Variants in FAS observed in about 807,000 individuals in gnomAD.
The protein encoded by FAS is Fas cell surface death receptor.
A neutral mutation model predicts 33.2 loss-of-function variants in FAS; 5 were observed. That is an observed-to-expected ratio of 0.15 (90% CI 0.08 to 0.32). The LOEUF is 0.32. Among genes scored for constraint, FAS ranks in the 10% least tolerant of loss-of-function variants. The pLI is 1.00. For missense variants in FAS, 339 were observed against 386.0 expected (o/e 0.88, Z 1.02); for synonymous variants, 131 against 130.7 (o/e 1.00, Z -0.01).
chr10:89,003,245 T>C (rs748766469), intron 2 of FAS, 51 bp downstream of exon 2: 3 of 1,598,038 alleles, frequency 1.9e-6, no homozygotes, highest in Non-Finnish European at 2.6e-6. Context: ...CAGTTAGGAG[T>C]AGCACATAGT....
rs1180044903 is a variant in FAS, at chr10:89,016,911, A to G, written c.*2461A>G. On this transcript the variant is annotated 3_prime_UTR_variant, in exon 9 of 9. Coordinates refer to ENST00000652046, the MANE Select transcript of FAS (RefSeq NM_000043.6). ...ATATTGAATCATCAGTTTCTGTACA[A>G]CTATCTGAATAAGGTATATAATCAA... The G allele has an allele frequency of 1.0e-5, 2 of 193,122 alleles. No individual in the cohort carries two copies. Among genetic ancestry groups the G allele is most frequent in the Non-Finnish European group, 2.2e-5 (2 of 92,514 alleles). The allele number at this position is 193,122 out of a possible 1,614,324, so 12.0% of individuals were successfully genotyped here. A position where few individuals can be genotyped will look rare whatever the true frequency, so the allele number is the denominator to read the frequency against.
chr10:88,997,094 C>T lies in FAS; in HGVS notation c.31-5935C>T, dbSNP rs146988153. Among the ~76,000 whole-genome samples, 598 of 152,298 alleles carry T rather than the reference C, an allele frequency of 3.9e-3. 4 individuals are homozygous for T. Among genetic ancestry groups the T allele is most frequent in the Admixed American group, 7.6e-3 (116 of 15,304 alleles). ...ACACAGATGCCATTAGTCTATAAAACTCTTATATTCTCACATGTAAATGTA... is the reference window on the plus strand; with the variant it reads ...ACACAGATGCCATTAGTCTATAAAATTCTTATATTCTCACATGTAAATGTA... On this transcript the variant is annotated intron_variant, in intron 1 of 8. Coordinates refer to ENST00000652046, the MANE Select transcript of FAS (RefSeq NM_000043.6).
chr10:88,988,443 T>TTTTTTTTTTTTTTTTTTTTTTTA (rs1554846019), upstream of FAS, among the ~76,000 whole-genome samples: 2 of 142,370 alleles, frequency 1.4e-5, no homozygotes, highest in Non-Finnish European at 1.5e-5. Context: ...TTTTGTTTTT[T>TTTTTTTTTTTTTTTTTTTTTTTA]ATCTTAACTC....
chr10:89,003,219 A>G, intron 2 of FAS, 25 bp downstream of exon 2: 3 of 1,613,824 alleles, frequency 1.9e-6, no homozygotes, highest in Non-Finnish European at 2.5e-6. Context: ...ACATCCAGAG[A>G]TTACAGTGAA....
rs59583029 is a variant in FAS, at chr10:88,993,305, A to AT, written c.30+2411dup. On this transcript the variant is annotated intron_variant, in intron 1 of 8. Transcript: ENST00000652046. ...AATTTGAGAAATAGCTGTGGGTTGC[A>AT]TTTTTTTTTTTTATTGTGCATGACC... Among the ~76,000 whole-genome samples, 1,066 of 148,768 alleles carry AT rather than the reference A, an allele frequency of 7.2e-3. 7 individuals are homozygous for AT. Among genetic ancestry groups the AT allele is most frequent in the African/African-American group, 0.02 (811 of 40,780 alleles).
chr10:89,012,986 G>A (rs1347785118), intron 7 of FAS, among the ~76,000 whole-genome samples: 3 of 151,956 alleles, frequency 2.0e-5, no homozygotes, highest in Non-Finnish European at 2.9e-5. Flanking sequence ...CCATTTTCTG[G>A]TATTAAGAAT....
At chr10:88,977,232 C>G (rs925348457) in intron 2 of FAS, among the ~76,000 whole-genome samples, 4 of 151,562 alleles carry the variant, frequency 2.6e-5, no homozygotes, top group African/African-American at 9.7e-5. Context: ...ACATGAAGTC[C>G]TTGCCCATGC....
chr10:88,978,925 C>T (rs933784117), intron 2 of FAS, among the ~76,000 whole-genome samples: 1 of 151,388 alleles, frequency 6.6e-6, no homozygotes, highest in Non-Finnish European at 1.5e-5. Context: ...TTAATAGGAA[C>T]TAATATTCAT....
At chr10:88,979,296 C>T (rs866078866) in intron 2 of FAS, among the ~76,000 whole-genome samples, 1 of 152,026 alleles carries the variant, frequency 6.6e-6, no homozygotes, top group East Asian at 1.9e-4. Context: ...GCGAGTTTCC[C>T]GGCTCTGCCG....
At position 88,996,075 on chromosome 10, in the gene FAS, C is replaced by T. The variant is rs548617208; in HGVS notation, c.30+5169C>T. Among the ~76,000 whole-genome samples the T allele has an allele frequency of 5.4e-4, 82 of 152,238 alleles. 1 individual carries two copies. Among genetic ancestry groups the T allele is most frequent in the Non-Finnish European group, 9.7e-4 (66 of 67,996 alleles). On this transcript the variant is annotated intron_variant, in intron 1 of 8. Transcript: ENST00000652046. ...TCAGGCAGCATTGTGTTTCTATTCA[C>T]CTCTGTGTTTTGTGAGGCTATAAAA...
intron 2 of FAS, among the ~76,000 whole-genome samples, chr10:88,979,612 C>CTT (rs550424129): frequency 4.2e-5 from 6 of 143,282 alleles, no homozygotes; most frequent in Non-Finnish European, 6.3e-5. Context: ...TTAATGATGA[C>CTT]TTTTTTTTTT....
intron 6 of FAS, 109 bp downstream of exon 6, chr10:89,010,924 T>C (rs1848499645): frequency 7.8e-7 from 1 of 1,286,244 alleles, no homozygotes; most frequent in Non-Finnish European, 1.1e-6. Flanking sequence ...TAGATTTATG[T>C]ATTGTTAATT....
upstream of FAS, among the ~76,000 whole-genome samples, chr10:88,983,630 A>T (rs958333911): frequency 4.1e-5 from 6 of 147,598 alleles, no homozygotes; most frequent in African/African-American, 1.2e-4. Context: ...AAAAAAAAAA[A>T]AAAAAAAAAC....
intron 1 of FAS, chr10:88,992,460 T>C (rs1220228285): frequency 1.3e-5 from 2 of 152,232 alleles, no homozygotes; most frequent in Non-Finnish European, 2.9e-5. Context: ...CTATGCTTGT[T>C]GAACTTTTGT....
chr10:89,002,812 G>T (rs759831688), intron 1 of FAS: 3 of 550,270 alleles, frequency 5.5e-6, no homozygotes, highest in African/African-American at 1.9e-5. Flanking sequence ...ATCATTCATG[G>T]TGCTGTTTCT....
intron 1 of FAS, among the ~76,000 whole-genome samples, chr10:88,965,243 C>T (rs1017127032): frequency 6.6e-6 from 1 of 151,992 alleles, no homozygotes; most frequent in Non-Finnish European, 1.5e-5. Context: ...CTTTTGGAGG[C>T]AGCCAGTGTG....
intron 3 of FAS, 65 bp from the exon 4 acceptor site, chr10:89,008,824 C>T (rs1848378670): frequency 6.8e-7 from 1 of 1,468,914 alleles, no homozygotes; most frequent in African/African-American, 1.4e-5. Context: ...AGCTCCTGCC[C>T]ACCATTTTCA....
In FAS at chr10:89,015,801, T is replaced by G; in HGVS notation, c.*1351T>G. The G allele has an allele frequency of 2.2e-6, 1 of 464,474 alleles. No homozygotes were observed. Among genetic ancestry groups the G allele is most frequent in the Non-Finnish European group, 4.1e-6 (1 of 243,804 alleles). The allele number at this position is 464,474 out of a possible 1,614,324, so 28.8% of individuals were successfully genotyped here. A position where few individuals can be genotyped will look rare whatever the true frequency, so the allele number is the denominator to read the frequency against. ...GTTTTTGGTATTTCTGGTTTTCTCT[T>G]TTTTGGTAGGGGCTTGCTTTTTGGT... On this transcript the variant is annotated 3_prime_UTR_variant, in exon 9 of 9. Coordinates refer to ENST00000652046, the MANE Select transcript of FAS (RefSeq NM_000043.6).
chr10:88,980,040 C>T (rs922893015), intron 2 of FAS, among the ~76,000 whole-genome samples: 11 of 152,286 alleles, frequency 7.2e-5, no homozygotes, highest in South Asian at 2.1e-4. Context: ...CCAGCTGAGC[C>T]GAAAGATAAA....
Sources: allele counts gnomAD v4.1 joint callset (sites outside exome capture counted in the v4.1 genomes callset), GRCh38; gene constraint gnomAD v4.1.1; transcripts MANE v1.5; gene names NCBI Gene and HGNC (gene_info 2026-07-23, HGNC 2026-07-21).